The following TIMELESS variants were observed in gnomAD, a reference collection of about 807,000 sequenced individuals.
TIMELESS encodes the protein timeless circadian regulator.
A neutral mutation model predicts 164.3 loss-of-function variants in TIMELESS; 124 were observed. The ratio of observed to expected loss-of-function variants is 0.75; its 90% CI spans 0.65 to 0.88. The LOEUF is 0.88. Among genes scored for constraint, TIMELESS ranks in the 40% least tolerant of loss-of-function variants. TIMELESS has a pLI of 0.00. For synonymous variants in TIMELESS, 564 were observed against 563.4 expected (o/e 1.00, Z -0.02); for missense variants, 1,422 against 1,491.4 (o/e 0.95, Z 0.77).
chr12:56,432,571 C>A, intron 6 of TIMELESS, 47 bp from the exon 7 acceptor site: 2 of 1,593,312 alleles, frequency 1.3e-6, no homozygotes, highest in Non-Finnish European at 1.7e-6. Flanking sequence ...TTCAATCCCA[C>A]TGCCCTGCCT....
intron 13 of TIMELESS, among the ~76,000 whole-genome samples, chr12:56,425,900 T>A (rs1021207210): frequency 1.3e-5 from 2 of 151,412 alleles, no homozygotes; most frequent in African/African-American, 4.9e-5. Context: ...AAATAAATAA[T>A]TAAAAAAAAG....
chr12:56,428,801 C>G, intron 11 of TIMELESS, 82 bp downstream of exon 11: 1 of 1,530,526 alleles, frequency 6.5e-7, no homozygotes, highest in South Asian at 1.1e-5. Flanking sequence ...CACCTGAACC[C>G]TGAATCAGGA....
chr12:56,433,329 G>A, intron 5 of TIMELESS, 52 bp downstream of exon 5: 1 of 1,595,904 alleles, frequency 6.3e-7, no homozygotes, highest in Non-Finnish European at 8.6e-7. Context: ...TCTGCCCGGA[G>A]AAGGTGCAAA....
At position 56,422,157 on chromosome 12, in the gene TIMELESS, C is replaced by T. The variant is rs748267298; in HGVS notation, c.2473G>A (p.Glu825Lys). The T allele has an allele frequency of 4.7e-5, 76 of 1,613,976 alleles. No individual in the cohort carries two copies. In the Middle Eastern group the frequency reaches 1.3e-3, roughly 28 times the overall value. Reference protein sequence around the residue: ...SSRRAPTWSPEEEAHLRELYL... With the variant: ...SSRRAPTWSPKEEAHLRELYL... Reference sequence around the variant, plus strand: ...AGCTCCCGAAGATGAGCCTCTTCTTCGGGGCTCCATGTAGGTGCTCTGCGA... The same window carrying T: ...AGCTCCCGAAGATGAGCCTCTTCTTTGGGGCTCCATGTAGGTGCTCTGCGA... Residue 825 changes from glutamate to lysine, a missense_variant, in exon 20 of 29, where the codon GAA becomes AAA. Physicochemically the swap from Glu to Lys is moderately conservative, Grantham distance 56. Coordinates refer to ENST00000553532, the MANE Select transcript of TIMELESS (RefSeq NM_003920.5).
In TIMELESS at chr12:56,432,363, T is replaced by A; in HGVS notation, c.687+6A>T. 6.2e-7 allele frequency: 1 copy of A among 1,611,526 alleles called. No individual in the cohort carries two copies. ...AGGGGACTCGGGCAATAGGCCAGGG[T>A]CTCACCTGGTCACGAAACATAAGGG... is the stretch of plus-strand genomic sequence containing the variant. On this transcript the variant is annotated splice_donor_region_variant and intron_variant, in intron 7 of 28. Transcript: ENST00000553532.
intron 8 of TIMELESS, 121 bp from the exon 9 acceptor site, chr12:56,431,089 C>T (rs903024551): frequency 3.1e-6 from 2 of 640,076 alleles, no homozygotes; most frequent in Non-Finnish European, 5.1e-6. Context: ...CACGGTGGCT[C>T]ACGCCTATAA....
intron 1 of TIMELESS, among the ~76,000 whole-genome samples, chr12:56,443,424 T>C (rs1868304071): frequency 6.6e-6 from 1 of 152,200 alleles, no homozygotes; most frequent in Admixed American, 6.5e-5. Context: ...TGGTGAATTC[T>C]AGTCAGACTG....
At chr12:56,436,492 G>C (rs183978240) in intron 1 of TIMELESS, among the ~76,000 whole-genome samples, 56 of 152,228 alleles carry the variant, frequency 3.7e-4, no homozygotes, top group African/African-American at 1.3e-3. Context: ...AAAAGTTGGA[G>C]TCAGTAGAAA....
intron 1 of TIMELESS, among the ~76,000 whole-genome samples, chr12:56,447,345 C>T (rs1868373908): frequency 1.3e-5 from 2 of 152,138 alleles, no homozygotes; most frequent in South Asian, 4.1e-4. Flanking sequence ...GTTAACTGCA[C>T]GAAAACGTAA....
In TIMELESS at chr12:56,420,699, T is replaced by C. The variant is rs747469065; in HGVS notation, c.3110-12A>G. ...GGCCTGGGAGCAGCCTAAGACAGGG[T>C]CAATAGTCATATGGTGAAGATATAA... On this transcript the variant is annotated splice_polypyrimidine_tract_variant and intron_variant, in intron 25 of 28. Coordinates refer to ENST00000553532, the MANE Select transcript of TIMELESS (RefSeq NM_003920.5). The C allele has an allele frequency of 1.2e-5, 19 of 1,613,838 alleles. No individual in the cohort carries two copies. Among genetic ancestry groups the C allele is most frequent in the South Asian group, 1.1e-4 (10 of 91,080 alleles).
chr12:56,447,352 G>A (rs552122336), intron 1 of TIMELESS, among the ~76,000 whole-genome samples: 3 of 152,060 alleles, frequency 2.0e-5, no homozygotes, highest in Non-Finnish European at 4.4e-5. Context: ...GCACGAAAAC[G>A]TAAACTCTTT....
rs114131942 is a variant in TIMELESS, at chr12:56,422,112, C to T, written c.2518G>A (p.Val840Met). 15 of 1,614,088 alleles carry T rather than the reference C, an allele frequency of 9.3e-6. No individual in the cohort carries two copies. Among genetic ancestry groups the T allele is most frequent in the South Asian group, 5.5e-5 (5 of 91,092 alleles). The change falls in exon 20 of 29, where the codon GTG becomes ATG. Residue 840 changes from valine to methionine, a missense_variant. Physicochemically the swap from Val to Met is conservative, Grantham distance 21. Transcript: ENST00000553532. ...LRELYLANKDVEGQDVVEAIL... is the reference protein window; with the variant it reads ...LRELYLANKDMEGQDVVEAIL... ...AGATCCCAAGGCCTCTCACCTTCCACGTCCTTATTGGCGAGGTACAGCTCC... is the reference window on the plus strand; with the variant it reads ...AGATCCCAAGGCCTCTCACCTTCCATGTCCTTATTGGCGAGGTACAGCTCC...
chr12:56,425,877 A>T (rs116207153), intron 13 of TIMELESS, among the ~76,000 whole-genome samples: 232 of 152,200 alleles, frequency 1.5e-3, no homozygotes, highest in African/African-American at 5.3e-3. Context: ...CCTGCTTAAA[A>T]AAATAAATAA....
At position 56,417,749 on chromosome 12, in the gene TIMELESS, T is replaced by A; in HGVS notation, c.3594A>T (p.Lys1198Asn). The A allele has an allele frequency of 1.2e-6, 2 of 1,614,150 alleles. No homozygotes were observed. The highest frequency in any genetic ancestry group is 1.7e-6 in the Non-Finnish European group (2 of 1,180,034). ...CCTCATCATCCTCAATCTGGTATCGTTTCTTCTTTTGGATTCCTGGAGCTC... is the reference window on the plus strand; with the variant it reads ...CCTCATCATCCTCAATCTGGTATCGATTCTTCTTTTGGATTCCTGGAGCTC... Reference protein sequence around the residue: ...ELGAPGIQKKKRYQIEDDEDD With the variant: ...ELGAPGIQKKNRYQIEDDEDD Residue 1198 changes from lysine to asparagine, a missense_variant, in exon 29 of 29, where the codon AAA (lysine) becomes AAT (asparagine). By Grantham distance (94) the Lys-to-Asn change is moderately conservative (BLOSUM62 0). Transcript: ENST00000553532.
chr12:56,448,084 A>C (rs1323381096), intron 1 of TIMELESS, among the ~76,000 whole-genome samples: 1 of 152,156 alleles, frequency 6.6e-6, no homozygotes, highest in Non-Finnish European at 1.5e-5. Context: ...TAAATTTAAC[A>C]TCAGATGATC....
At chr12:56,422,696 G>T in intron 19 of TIMELESS, 151 bp downstream of exon 19, 1 of 844,670 alleles carries the variant, frequency 1.2e-6, no homozygotes, top group Non-Finnish European at 1.8e-6. Flanking sequence ...TTTAGGTAAA[G>T]CATTTCACCT....
At chr12:56,431,929 T>C (rs757752643) in intron 7 of TIMELESS, among the ~76,000 whole-genome samples, 25 of 152,064 alleles carry the variant, frequency 1.6e-4, no homozygotes, top group Non-Finnish European at 2.8e-4. Context: ...AAACAGAACA[T>C]GTATACATAT....
chr12:56,430,039 C>G, intron 10 of TIMELESS, 66 bp downstream of exon 10: 1 of 1,500,210 alleles, frequency 6.7e-7, no homozygotes, highest in Non-Finnish European at 9.0e-7. Context: ...TCTTACCCAC[C>G]AACAGCTGCA....
At position 56,421,433 on chromosome 12, in the gene TIMELESS, T is replaced by C. The variant is rs1881482473; in HGVS notation, c.2786A>G (p.Asp929Gly). Residue 929 changes from aspartate (D) to glycine (G), a missense_variant, in exon 23 of 29, where the codon GAT becomes GGT. Physicochemically the swap from Asp to Gly is moderately conservative, Grantham distance 94. Transcript: ENST00000553532. ...TAKRSRARIV[D>G]KLLALGLVAE... ...CACCAGCCCCAGAGCCAAGAGTTTA[T>C]CCACTATTCGGGCCCGTGAGCGTTT... 6.2e-7 allele frequency: 1 copy of C among 1,614,018 alleles called. No homozygotes were observed. Among genetic ancestry groups the C allele is most frequent in the South Asian group, 1.1e-5 (1 of 91,076 alleles).
Sources: allele counts gnomAD v4.1 joint callset (sites outside exome capture counted in the v4.1 genomes callset), GRCh38; gene constraint gnomAD v4.1.1; transcripts MANE v1.5; gene names NCBI Gene and HGNC (gene_info 2026-07-23, HGNC 2026-07-21).